Variants in MAP3K11 observed in about 807,000 individuals in gnomAD.
MAP3K11 encodes mitogen-activated protein kinase kinase kinase 11.
A neutral mutation model predicts 84.9 loss-of-function variants in MAP3K11; 46 were observed. The ratio of observed to expected loss-of-function variants is 0.54; its 90% CI spans 0.43 to 0.69. The LOEUF (loss-of-function observed/expected upper bound fraction) is 0.69. MAP3K11 is among the 30% of genes least tolerant of loss of function. The probability of loss-of-function intolerance (pLI) is 0.00; values close to 1 mark genes in which losing one functional copy is unlikely to be tolerated. For synonymous variants in MAP3K11, 527 were observed against 514.7 expected (o/e 1.02, Z -0.32); for missense variants, 1,053 against 1,198.3 (o/e 0.88, Z 1.79).
intron 9 of MAP3K11, 149 bp downstream of exon 9, chr11:65,599,245 C>T (rs1210901179): frequency 3.0e-5 from 28 of 941,582 alleles, no homozygotes; most frequent in Admixed American, 4.1e-5. Flanking sequence ...TCCCTACATG[C>T]GTCTTCAGTA....
chr11:65,608,795 T>C, intron 1 of MAP3K11: 2 of 219,042 alleles, frequency 9.1e-6, no homozygotes, highest in South Asian at 1.2e-4. Context: ...TTTGCATTTT[T>C]AGTAGAGACA....
chr11:65,606,153 T>A (rs765752888), intron 6 of MAP3K11, 72 bp from the exon 7 acceptor site: 20 of 1,456,212 alleles, frequency 1.4e-5, no homozygotes, highest in Non-Finnish European at 1.7e-5. Flanking sequence ...GCTTCAGAGA[T>A]AAACTTTAGA....
At chr11:65,605,082 C>G (rs1230863717) in intron 8 of MAP3K11, among the ~76,000 whole-genome samples, 1 of 152,150 alleles carries the variant, frequency 6.6e-6, no homozygotes, top group African/African-American at 2.4e-5. Flanking sequence ...AAATCCTCAG[C>G]TGGGGGTTTG....
At chr11:65,605,109 C>T (rs7130955) in intron 8 of MAP3K11, among the ~76,000 whole-genome samples, 55,716 of 151,988 alleles carry the variant, frequency 0.37, 11,194 homozygotes, top group South Asian at 0.59. Flanking sequence ...GTTACTTCAC[C>T]TCTCAGAGCC....
rs754675221 is a variant in MAP3K11 at position 65,607,271 on chromosome 11, G to C, written c.1488C>G (p.Leu496=). Residue 496 remains leucine (L), a splice_region_variant and synonymous_variant, in exon 5 of 10, where the codon CTC becomes CTG. Coordinates refer to ENST00000309100, the MANE Select transcript of MAP3K11 (RefSeq NM_002419.4). ...GACGCCCCGGGGCCCGGCCCTCACC[G>C]AGTGGCATGCTGATACGCTCGCCGC... The part of the protein sequence containing the change: ...RDGGERISMP[L]DFKHRITVQA... 4 of 1,514,426 alleles carry C rather than the reference G, an allele frequency of 2.6e-6. No individual in the cohort carries two copies. Among genetic ancestry groups the C allele is most frequent in the Admixed American group, 2.1e-5 (1 of 47,592 alleles). The allele number at this position is 1,514,426 out of a possible 1,614,324, so 93.8% of individuals were successfully genotyped here. A position where few individuals can be genotyped will look rare whatever the true frequency, so the allele number is the denominator to read the frequency against.
At chr11:65,607,882 A>G (rs1048145521) in intron 3 of MAP3K11, 40 bp downstream of exon 3, 3 of 1,608,956 alleles carry the variant, frequency 1.9e-6, no homozygotes, top group Non-Finnish European at 2.6e-6. Context: ...GTCCTGGGCC[A>G]GGGAGCTCTG....
chr11:65,610,535 G>C (rs566832691), intron 1 of MAP3K11: 1 of 152,382 alleles, frequency 6.6e-6, no homozygotes, highest in Admixed American at 6.5e-5. Flanking sequence ...TGCTGGAGGC[G>C]GGGACCTGAG....
At chr11:65,598,744 A>C in intron 9 of MAP3K11, 116 bp from the exon 10 acceptor site, 1 of 694,198 alleles carries the variant, frequency 1.4e-6, no homozygotes. Flanking sequence ...TACTTGACTC[A>C]ACTTCCACCG....
At chr11:65,607,576 C>T in intron 4 of MAP3K11, 63 bp from the exon 5 acceptor site, 1 of 1,554,036 alleles carries the variant, frequency 6.4e-7, no homozygotes, top group South Asian at 1.2e-5. Context: ...GCGCCCGCCC[C>T]GACTCTGCCC....
chr11:65,613,543 A>T lies in MAP3K11; in HGVS notation c.214T>A (p.Ser72Thr). ...LRKGDRVEVL[S>T]RDAAISGDEG... ...TCTCCTGAGATGGCTGCGTCCCGGG[A>T]CAGCACCTCCACACGGTCACCCTTC... Residue 72 changes from serine to threonine, a missense_variant, in exon 1 of 10, where the codon TCC becomes ACC. By Grantham distance (58) the Ser-to-Thr change is moderately conservative. This residue lies in a region of MAP3K11 where 160 missense variants were observed against 167.3 expected (regional missense o/e 0.96). Transcript: ENST00000309100. 6.2e-7 allele frequency: 1 copy of T among 1,611,016 alleles called. No homozygotes were observed.
intron 6 of MAP3K11, 107 bp from the exon 7 acceptor site, chr11:65,606,188 T>C (rs1419946728): frequency 6.2e-6 from 8 of 1,293,046 alleles, no homozygotes; most frequent in Non-Finnish European, 7.1e-6. Context: ...CTGGGCCCTG[T>C]ACCATTCCCA....
intron 6 of MAP3K11, 110 bp from the exon 7 acceptor site, chr11:65,606,191 C>G (rs1365139124): frequency 7.8e-7 from 1 of 1,275,070 alleles, no homozygotes. Context: ...GGCCCTGTAC[C>G]ATTCCCAGGG....
chr11:65,608,178 C>G (rs1054117395), intron 2 of MAP3K11, 90 bp downstream of exon 2: 5 of 1,592,062 alleles, frequency 3.1e-6, no homozygotes, highest in East Asian at 2.2e-5. Flanking sequence ...GGGTCCCTGT[C>G]CCTGGACTTG....
chr11:65,599,741 G>T lies in MAP3K11; in HGVS notation c.1859C>A (p.Pro620His), dbSNP rs1290682547. Residue 620 changes from proline (P) to histidine (H), a missense_variant, in exon 9 of 10, where the codon CCC becomes CAC. By Grantham distance (77) the Pro-to-His change is moderately conservative. Coordinates refer to ENST00000309100, the MANE Select transcript of MAP3K11 (RefSeq NM_002419.4). ...GGGGACAGGCCTCTTGGGCTCCTCG[G>T]GCTCCAGGCTAGGCCGCGGGGGGTT... The part of the protein sequence containing the change: ...NGNPPRPSLE[P>H]EEPKRPVPAE... 2 of 1,592,074 alleles carry T rather than the reference G, an allele frequency of 1.3e-6. No homozygotes were observed. The highest frequency in any genetic ancestry group is 2.7e-5 in the African/African-American group (2 of 74,770).
intron 5 of MAP3K11, 99 bp from the exon 6 acceptor site, chr11:65,606,903 G>A (rs962835244): frequency 2.7e-6 from 2 of 752,618 alleles, no homozygotes; most frequent in South Asian, 1.6e-5. Context: ...AGGCCACATA[G>A]GGAGCGGCAC....
chr11:65,599,609 G>A lies in MAP3K11; in HGVS notation c.1991C>T (p.Pro664Leu), dbSNP rs370331573. The change falls in exon 9 of 10, where the codon CCG becomes CTG. Residue 664 changes from proline to leucine, a missense_variant. Physicochemically the swap from Pro to Leu is moderately conservative, Grantham distance 98. This residue lies in a region of MAP3K11 where 583 missense variants were observed against 566.6 expected (regional missense o/e 1.03). Transcript: ENST00000309100. ...SLGLGRDLQP[P>L]GGPGRERGES... ...CCCGCGCTCGCGTCCTGGGCCTCCCGGCGGCTGCAGGTCGCGGCCAAGGCC... is the reference window on the plus strand; with the variant it reads ...CCCGCGCTCGCGTCCTGGGCCTCCCAGCGGCTGCAGGTCGCGGCCAAGGCC... The A allele has an allele frequency of 2.9e-5, 45 of 1,539,306 alleles. No individual in the cohort carries two copies. The highest frequency in any genetic ancestry group is 3.4e-5 in the Non-Finnish European group (39 of 1,149,044).
At position 65,607,475 on chromosome 11, in the gene MAP3K11, C is replaced by T. The variant is rs746007884; in HGVS notation, c.1284G>A (p.Ala428=). 238 of 1,565,376 alleles carry T rather than the reference C, an allele frequency of 1.5e-4. No homozygotes were observed. The highest frequency in any genetic ancestry group is 2.0e-4 in the Non-Finnish European group (229 of 1,164,670). The change falls in exon 5 of 10, where the codon GCG becomes GCA. Residue 428 remains alanine (A), a synonymous_variant. Coordinates refer to ENST00000309100, the MANE Select transcript of MAP3K11 (RefSeq NM_002419.4). ...GCTCCGCCTGTGACCGCTGCTCGCGCGCCGCTCGCGTCAGCTCCTCCTCGC... is the reference window on the plus strand; with the variant it reads ...GCTCCGCCTGTGACCGCTGCTCGCGTGCCGCTCGCGTCAGCTCCTCCTCGC... The part of the protein sequence containing the change: ...LSREEELTRA[A]REQRSQAEQL...
intron 8 of MAP3K11, among the ~76,000 whole-genome samples, chr11:65,601,321 C>T (rs1854452875): frequency 6.6e-6 from 1 of 152,166 alleles, no homozygotes; most frequent in Non-Finnish European, 1.5e-5. Context: ...TCTGTGAAGC[C>T]CTCCCAGAAT....
intron 1 of MAP3K11, 119 bp downstream of exon 1, chr11:65,612,898 TG>T: frequency 8.1e-7 from 1 of 1,230,870 alleles, no homozygotes. Flanking sequence ...CCTGGTCAGC[TG>T]GGACCCCCTA....
Sources: gnomAD v4.1 joint callset for allele counts (sites outside exome capture counted in the v4.1 genomes callset) on GRCh38, gnomAD v4.1.1 for gene constraint, gnomAD v4.1.1 regional missense constraint, MANE v1.5 for transcripts, NCBI Gene and HGNC (gene_info 2026-07-23, HGNC 2026-07-21) for gene names.